ANKS1B: variants seen among roughly 807,000 people sequenced by gnomAD.
ANKS1B encodes ankyrin repeat and sterile alpha motif domain-containing protein 1B.
In ANKS1B, 36 loss-of-function variants were observed where a neutral mutation model predicts 148.3. The observed-to-expected ratio is 0.24, with a 90% CI of 0.19 to 0.32. The LOEUF is 0.32. ANKS1B is among the 10% of genes least tolerant of loss of function. The probability of loss-of-function intolerance (pLI) is 1.00; values close to 1 mark genes in which losing one functional copy is unlikely to be tolerated. For synonymous variants in ANKS1B, 542 were observed against 560.8 expected (o/e 0.97, Z 0.47); for missense variants, 1,157 against 1,542.6 (o/e 0.75, Z 4.19).
intron 1 of ANKS1B, among the ~76,000 whole-genome samples, chr12:99,888,490 A>G (rs1481986183): frequency 1.3e-5 from 2 of 152,230 alleles, no homozygotes; most frequent in Admixed American, 6.5e-5. Context: ...CAGAACAGAA[A>G]ACAAGTGGAG....
At chr12:99,609,251 C>T (rs2097878668) in intron 9 of ANKS1B, among the ~76,000 whole-genome samples, 1 of 151,976 alleles carries the variant, frequency 6.6e-6, no homozygotes, top group African/African-American at 2.4e-5. Flanking sequence ...TTTCAAATGT[C>T]TTATTATCAG....
At chr12:99,241,581 C>A (rs1443483635) in intron 14 of ANKS1B, among the ~76,000 whole-genome samples, 2 of 152,160 alleles carry the variant, frequency 1.3e-5, no homozygotes, top group East Asian at 3.9e-4. Flanking sequence ...CAAAGCCTGG[C>A]AGAGACACAA....
intron 17 of ANKS1B, among the ~76,000 whole-genome samples, chr12:98,944,229 G>C (rs1439918730): frequency 2.0e-5 from 3 of 150,142 alleles, no homozygotes; most frequent in African/African-American, 7.4e-5. Flanking sequence ...GAACCCGGGA[G>C]GCAGAGGTTG....
intron 10 of ANKS1B, among the ~76,000 whole-genome samples, chr12:99,495,820 T>G (rs923878630): frequency 6.6e-6 from 1 of 152,196 alleles, no homozygotes; most frequent in Non-Finnish European, 1.5e-5. Flanking sequence ...ATTCATTTAA[T>G]TTCAAAATTT....
At chr12:99,917,874 C>T (rs1042506975) in intron 1 of ANKS1B, among the ~76,000 whole-genome samples, 1 of 152,234 alleles carries the variant, frequency 6.6e-6, no homozygotes, top group African/African-American at 2.4e-5. Flanking sequence ...AGGAACCAGG[C>T]TGCACAGCAG....
At chr12:99,459,491 A>T (rs1376939470) in intron 10 of ANKS1B, among the ~76,000 whole-genome samples, 2 of 152,138 alleles carry the variant, frequency 1.3e-5, no homozygotes, top group African/African-American at 4.8e-5. Flanking sequence ...TGATGACATG[A>T]TCACATACCT....
intron 17 of ANKS1B, among the ~76,000 whole-genome samples, chr12:98,855,461 G>T (rs563615453): frequency 1.0e-3 from 154 of 152,152 alleles, no homozygotes; most frequent in African/African-American, 3.5e-3. Context: ...ATTATTTTTT[G>T]AAAATAGAAG....
At position 98,751,493 on chromosome 12, in the gene ANKS1B, C is replaced by G; in HGVS notation, c.3609G>C (p.Leu1203=). 6.2e-7 allele frequency: 1 copy of G among 1,613,908 alleles called. No individual in the cohort carries two copies. The highest frequency in any genetic ancestry group is 8.5e-7 in the Non-Finnish European group (1 of 1,179,888). Residue 1203 remains leucine, a synonymous_variant, in exon 26 of 27, where the codon CTG becomes CTC. Coordinates refer to ENST00000683438, the MANE Select transcript of ANKS1B (RefSeq NM_001352186.2). This position sits in a 1 kb window ranked among gnomAD's most constrained non-coding sequence, Gnocchi z 4.3. ...GGTAAGCGACTTCGAATGCCTGTCC[C>G]AGGGTTAGGATGATTTCATAGGCTA... is the stretch of plus-strand genomic sequence containing the variant. ...VNLAYEIILT[L]GQAFEVAYQL... is the part of the protein sequence containing the mutation.
chr12:98,986,128 AT>A (rs2099923241), intron 17 of ANKS1B, among the ~76,000 whole-genome samples: 2 of 150,788 alleles, frequency 1.3e-5, no homozygotes, highest in South Asian at 2.1e-4. Context: ...TAATATTTCT[AT>A]TTTTTTGGCT....
intron 15 of ANKS1B, among the ~76,000 whole-genome samples, chr12:99,114,213 A>T (rs2060870021): frequency 6.6e-6 from 1 of 152,202 alleles, no homozygotes; most frequent in Admixed American, 6.5e-5. Context: ...CTATTGGAAA[A>T]TATTTGTGTC....
intron 14 of ANKS1B, among the ~76,000 whole-genome samples, chr12:99,167,989 A>G (rs1323697466): frequency 6.6e-6 from 1 of 152,234 alleles, no homozygotes; most frequent in Non-Finnish European, 1.5e-5. Context: ...AAAGTTCTAG[A>G]GAGTATAAAC....
At chr12:98,948,772 C>A (rs1443808793) in intron 17 of ANKS1B, among the ~76,000 whole-genome samples, 1 of 146,994 alleles carries the variant, frequency 6.8e-6, no homozygotes, top group African/African-American at 2.7e-5. Flanking sequence ...CCCACACCCC[C>A]CCCCACACAC....
At chr12:99,944,654 G>A (rs2095011394) in intron 1 of ANKS1B, among the ~76,000 whole-genome samples, 1 of 152,110 alleles carries the variant, frequency 6.6e-6, no homozygotes, top group African/African-American at 2.4e-5. Context: ...CAAGTTGCAG[G>A]ACCTCTCCAA....
chr12:98,763,336 T>C (rs959249179), intron 25 of ANKS1B, among the ~76,000 whole-genome samples: 5 of 152,250 alleles, frequency 3.3e-5, no homozygotes, highest in Non-Finnish European at 5.9e-5. Context: ...GAAATTAGTC[T>C]TCATAGATTG....
intron 1 of ANKS1B, among the ~76,000 whole-genome samples, chr12:99,983,016 C>G (rs1326679183): frequency 1.3e-5 from 2 of 152,198 alleles, no homozygotes; most frequent in African/African-American, 4.8e-5. Flanking sequence ...CTATTAAGCA[C>G]TTGTCAAGGG....
At chr12:99,626,165 T>C (rs1450861291) in intron 9 of ANKS1B, among the ~76,000 whole-genome samples, 6 of 152,184 alleles carry the variant, frequency 3.9e-5, no homozygotes, top group Non-Finnish European at 7.3e-5. Flanking sequence ...CTAAAACATA[T>C]AGTTTTTAGT....
chr12:99,295,027 C>T (rs2080664639), intron 12 of ANKS1B, among the ~76,000 whole-genome samples: 1 of 152,166 alleles, frequency 6.6e-6, no homozygotes, highest in South Asian at 2.1e-4. Context: ...GATAATTACA[C>T]ATTGTATGCC....
intron 12 of ANKS1B, among the ~76,000 whole-genome samples, chr12:99,316,271 G>C (rs1419740793): frequency 6.6e-6 from 1 of 152,190 alleles, no homozygotes; most frequent in Non-Finnish European, 1.5e-5. Context: ...GGGTGAACTA[G>C]TTTACAGTCC....
At chr12:99,893,691 C>G (rs976791695) in intron 1 of ANKS1B, among the ~76,000 whole-genome samples, 4 of 152,206 alleles carry the variant, frequency 2.6e-5, no homozygotes, top group African/African-American at 9.6e-5. Flanking sequence ...TATTTATGAC[C>G]ATGTGTATCC....
Sources: gnomAD v4.1 joint callset for allele counts (sites outside exome capture counted in the v4.1 genomes callset) on GRCh38, gnomAD v4.1.1 for gene constraint, Gnocchi (gnomAD v3.1) non-coding constraint, MANE v1.5 for transcripts, NCBI Gene and HGNC (gene_info 2026-07-23, HGNC 2026-07-21) for gene names.